Variants in SNW1 observed in about 807,000 individuals in gnomAD.
SNW1 encodes the protein SNW domain containing 1.
A neutral mutation model predicts 75.6 loss-of-function variants in SNW1; 9 were observed. That is an observed-to-expected ratio of 0.12 (90% CI 0.07 to 0.21). SNW1 has a LOEUF of 0.21. Among genes scored for constraint, SNW1 ranks in the 10% least tolerant of loss-of-function variants. The probability of loss-of-function intolerance (pLI) is 1.00; values close to 1 mark genes in which losing one functional copy is unlikely to be tolerated. For synonymous variants in SNW1, 200 were observed against 219.1 expected, an observed-to-expected ratio of 0.91 and a Z score of 0.77; for missense variants, 409 against 670.9, an observed-to-expected ratio of 0.61 and a Z score of 4.31.
rs1464140088 is a variant in SNW1, at chr14:77,753,863, G to A, written c.168+1104C>T. On this transcript the variant is annotated intron_variant, in intron 2 of 13. Transcript: ENST00000261531. ...GGCTACTTGGGAGGCTGAGGCAGGA[G>A]AATCGCTTGAACCCAGGAGGCGAAG... 2.0e-5 allele frequency among the ~76,000 whole-genome samples: 3 copies of A among 151,630 alleles called. No homozygotes were observed. In the East Asian group the frequency reaches 5.9e-4, roughly 30 times the overall value.
At chr14:77,723,856 G>C (rs1244251061) in intron 10 of SNW1, among the ~76,000 whole-genome samples, 1 of 152,130 alleles carries the variant, frequency 6.6e-6, no homozygotes, top group Non-Finnish European at 1.5e-5. Context: ...GTTTCACCAA[G>C]CTAGTCTCAA....
intron 1 of SNW1, among the ~76,000 whole-genome samples, chr14:77,757,906 A>AATCT (rs1337245060): frequency 7.5e-5 from 11 of 147,000 alleles, no homozygotes; most frequent in Non-Finnish European, 1.5e-4. Context: ...TTCTGCCATC[A>AATCT]AATCAATCTA....
At chr14:77,759,309 A>G (rs888564548) in intron 1 of SNW1, among the ~76,000 whole-genome samples, 12 of 152,086 alleles carry the variant, frequency 7.9e-5, no homozygotes, top group African/African-American at 2.4e-4. Flanking sequence ...AGCCCAGTTC[A>G]AGACCAGGCT....
chr14:77,740,135 T>TAAAAAAA (rs1170373918), intron 3 of SNW1, among the ~76,000 whole-genome samples: 2 of 65,194 alleles, frequency 3.1e-5, no homozygotes, highest in East Asian at 4.3e-4. Flanking sequence ...CACTGTATAT[T>TAAAAAAA]AAAAAAAAAA....
At chr14:77,723,314 GTAT>G (rs774359902) in intron 10 of SNW1, 37 bp from the exon 11 acceptor site, 9 of 1,445,234 alleles carry the variant, frequency 6.2e-6, no homozygotes, top group African/African-American at 5.6e-5. Flanking sequence ...ACTGTAATAT[GTAT>G]TATATGTGTG....
At chr14:77,726,060 G>A (rs1289466521) in intron 10 of SNW1, among the ~76,000 whole-genome samples, 1 of 152,172 alleles carries the variant, frequency 6.6e-6, no homozygotes, top group African/African-American at 2.4e-5. Context: ...TTGAAGCCAG[G>A]CAGTGTGATG....
chr14:77,749,358 G>C (rs1355437881), intron 3 of SNW1, among the ~76,000 whole-genome samples: 1 of 152,138 alleles, frequency 6.6e-6, no homozygotes, highest in Non-Finnish European at 1.5e-5. Flanking sequence ...AGAGTGAAAG[G>C]AAAGTGAAGA....
At chr14:77,733,366 T>G (rs2080642300) in intron 8 of SNW1, among the ~76,000 whole-genome samples, 2 of 152,206 alleles carry the variant, frequency 1.3e-5, no homozygotes, top group Non-Finnish European at 2.9e-5. Flanking sequence ...GTAGAATCAC[T>G]ATAATCTTAG....
intron 3 of SNW1, 37 bp from the exon 4 acceptor site, chr14:77,739,098 A>C: frequency 1.3e-6 from 2 of 1,504,364 alleles, no homozygotes; most frequent in Non-Finnish European, 1.8e-6. Flanking sequence ...TAAGAAAAGC[A>C]AACAACGAAA....
chr14:77,752,069 G>A (rs935874646), intron 2 of SNW1, among the ~76,000 whole-genome samples: 1 of 152,056 alleles, frequency 6.6e-6, no homozygotes, highest in African/African-American at 2.4e-5. Context: ...CATATATGCA[G>A]GACGAAACTA....
intron 9 of SNW1, 134 bp from the exon 10 acceptor site, chr14:77,731,263 A>C: frequency 1.0e-6 from 1 of 981,852 alleles, no homozygotes; most frequent in Non-Finnish European, 1.5e-6. Context: ...ATTAAAACAA[A>C]GAGTCTTGTC....
At chr14:77,733,190 A>C (rs2080640904) in intron 8 of SNW1, among the ~76,000 whole-genome samples, 1 of 142,558 alleles carries the variant, frequency 7.0e-6, no homozygotes, top group South Asian at 2.4e-4. Context: ...CCCCAAGGTC[A>C]TACAGTTAGT....
intron 10 of SNW1, among the ~76,000 whole-genome samples, chr14:77,729,758 G>T (rs2080614314): frequency 1.3e-5 from 2 of 152,202 alleles, no homozygotes. Flanking sequence ...ATATTTCACA[G>T]TGTATATTAA....
chr14:77,730,967 T>G (rs761132528), intron 10 of SNW1, 21 bp downstream of exon 10: 1 of 1,604,190 alleles, frequency 6.2e-7, no homozygotes, highest in African/African-American at 1.3e-5. Context: ...AAAATTCAAT[T>G]CAGTAATGAG....
At chr14:77,720,513 T>C (rs1200099876) in intron 12 of SNW1, 198 bp downstream of exon 12, 2 of 720,522 alleles carry the variant, frequency 2.8e-6, no homozygotes, top group Non-Finnish European at 5.1e-6. Flanking sequence ...TTTCTTCTCC[T>C]AGTGTCTCAA....
chr14:77,718,309 A>G lies in SNW1; in HGVS notation c.1413-23T>C, dbSNP rs780483289. The G allele has an allele frequency of 4.3e-6, 7 of 1,613,956 alleles. No individual in the cohort carries two copies. The East Asian group carries it at 1.1e-4, about 26-fold the overall frequency. ...AATCTAAGGAAAAGGAGAAAAAACT[A>G]TGAACTACTTTGCTTTCACCAGTGT... On this transcript the variant is annotated intron_variant, in intron 13 of 13. Transcript: ENST00000261531.
At chr14:77,751,276 T>G (rs1244155929) in intron 3 of SNW1, 43 bp downstream of exon 3, 1 of 1,559,124 alleles carries the variant, frequency 6.4e-7, no homozygotes, top group African/African-American at 1.4e-5. Flanking sequence ...TTTAAAATGT[T>G]TCCTAAAATA....
intron 2 of SNW1, among the ~76,000 whole-genome samples, chr14:77,754,031 GTTCT>G (rs2080826616): frequency 6.6e-6 from 1 of 151,712 alleles, no homozygotes; most frequent in African/African-American, 2.4e-5. Context: ...AAGGAAGCTT[GTTCT>G]TTTTATTTTT....
intron 3 of SNW1, among the ~76,000 whole-genome samples, chr14:77,744,446 C>CAAAA (rs11335115): frequency 5.6e-3 from 459 of 82,418 alleles, no homozygotes; most frequent in Non-Finnish European, 6.1e-3. Flanking sequence ...GTCTCCATCT[C>CAAAA]AAAAAAAAAA....
Sources: allele counts gnomAD v4.1 joint callset (sites outside exome capture counted in the v4.1 genomes callset), GRCh38; gene constraint gnomAD v4.1.1; transcripts MANE v1.5; gene names NCBI Gene and HGNC (gene_info 2026-07-23, HGNC 2026-07-21).